Variants in BNIP1 observed in about 807,000 individuals in gnomAD.
BNIP1 encodes vesicle transport protein SEC20.
In BNIP1, 25 loss-of-function variants were observed where a neutral mutation model predicts 28.5. The ratio of observed to expected loss-of-function variants is 0.88; its 90% confidence interval spans 0.64 to 1.23. The LOEUF (loss-of-function observed/expected upper bound fraction) is 1.23. BNIP1 is among the 50% of genes most tolerant of loss of function. BNIP1 has a pLI of 0.00. For synonymous variants in BNIP1, 118 were observed against 101.7 expected, an observed-to-expected ratio of 1.16 and a Z score of -0.96; for missense variants, 276 against 277.0, an observed-to-expected ratio of 1.00 and a Z score of 0.02.
At chr5:173,149,587 G>A (rs1216991023) in intron 2 of BNIP1, among the ~76,000 whole-genome samples, 1 of 152,146 alleles carries the variant, frequency 6.6e-6, no homozygotes, top group African/African-American at 2.4e-5. Context: ...TTGGGGTTTT[G>A]TATTAGGCCT....
rs1346067693 is a variant in BNIP1, at chr5:173,158,830, A to C, written c.356A>C (p.Asp119Ala). ...LEKAELLQGG[D>A]LLRQRKTTKE... ...AAAGCAGAACTTCTTCAGGGAGGAG[A>C]TCTCTTAAGGCAAAGGTACCTATTC... Residue 119 changes from aspartate (D) to alanine (A), a missense_variant, in exon 4 of 6, where the codon GAT becomes GCT. By Grantham distance (126) the Asp-to-Ala change is moderately radical (BLOSUM62 -2). Transcript: ENST00000351486. The C allele has an allele frequency of 6.2e-7, 1 of 1,613,482 alleles. No individual in the cohort carries two copies. The highest frequency in any genetic ancestry group is 2.2e-5 in the East Asian group (1 of 44,858).
rs542351982 is a variant in BNIP1, at chr5:173,163,152, G to A, written c.491-573G>A. ...TGGGGACAGTGATTCCTTAAGGGAC[G>A]TGGGCCTCTTCTTAGGTGTCACCTC... On this transcript the variant is annotated intron_variant, in intron 5 of 5. Coordinates refer to ENST00000351486, the MANE Select transcript of BNIP1 (RefSeq NM_001205.3). Among the ~76,000 whole-genome samples the A allele has an allele frequency of 4.0e-4, 61 of 152,274 alleles. 1 individual carries two copies. The highest frequency in any genetic ancestry group is 1.3e-4 in the Admixed American group (2 of 15,298).
intron 2 of BNIP1, among the ~76,000 whole-genome samples, chr5:173,153,595 C>A (rs1760088469): frequency 6.6e-6 from 1 of 151,964 alleles, no homozygotes; most frequent in South Asian, 2.1e-4. Flanking sequence ...TAAATTGAAC[C>A]CTAGATCAGT....
At chr5:173,159,717 C>G (rs1303699139) in intron 4 of BNIP1, among the ~76,000 whole-genome samples, 1 of 152,170 alleles carries the variant, frequency 6.6e-6, no homozygotes, top group Non-Finnish European at 1.5e-5. Context: ...CTTCAATTGG[C>G]AAATTGCTTT....
rs2113835746 is a variant in BNIP1 at position 173,147,063 on chromosome 5, C to G, written c.177+105C>G. 1.2e-5 allele frequency: 10 copies of G among 858,422 alleles called. No homozygotes were observed. The South Asian group carries it at 1.5e-4, about 13-fold the overall frequency. The allele number at this position is 858,422 out of a possible 1,614,324, so 53.2% of individuals were successfully genotyped here. ...AACACCAGCTGATGGGAGCAGTAAACACTTAGACAGGGAGGGTGACTCTGT... is the reference window on the plus strand; with the variant it reads ...AACACCAGCTGATGGGAGCAGTAAAGACTTAGACAGGGAGGGTGACTCTGT... On this transcript the variant is annotated intron_variant, in intron 2 of 5. Coordinates refer to ENST00000351486, the MANE Select transcript of BNIP1 (RefSeq NM_001205.3).
chr5:173,151,611 T>A (rs565974488), intron 2 of BNIP1: 1 of 1,614,108 alleles, frequency 6.2e-7, no homozygotes, highest in East Asian at 2.2e-5. Context: ...TTCCACATTT[T>A]TTTTTAAGCT....
intron 2 of BNIP1, among the ~76,000 whole-genome samples, chr5:173,153,922 A>C (rs1760103682): frequency 6.6e-6 from 1 of 152,184 alleles, no homozygotes; most frequent in South Asian, 2.1e-4. Flanking sequence ...AGAAATTGTG[A>C]GTATCTGGAA....
intron 3 of BNIP1, among the ~76,000 whole-genome samples, chr5:173,156,938 C>G (rs868692748): frequency 1.3e-5 from 2 of 150,994 alleles, no homozygotes; most frequent in South Asian, 4.2e-4. Context: ...CGTGAGGCAC[C>G]GTGCCCAGCC....
At chr5:173,148,099 T>C (rs1184021091) in intron 2 of BNIP1, among the ~76,000 whole-genome samples, 1 of 27,636 alleles carries the variant, frequency 3.6e-5, no homozygotes, top group Non-Finnish European at 5.6e-5. Flanking sequence ...TATATATATA[T>C]ATATATATAT....
chr5:173,153,417 T>TG (rs1308111218), intron 2 of BNIP1, among the ~76,000 whole-genome samples: 1 of 151,980 alleles, frequency 6.6e-6, no homozygotes, highest in African/African-American at 2.4e-5. Context: ...TCAGTTGAGA[T>TG]GGGGTTTCAC....
Position 173,163,869 on chromosome 5 carries a change from T to C in BNIP1, c.635T>C (p.Phe212Ser). 5 of 1,613,886 alleles carry C rather than the reference T, an allele frequency of 3.1e-6. No homozygotes were observed. Among genetic ancestry groups the C allele is most frequent in the East Asian group, 2.2e-5 (1 of 44,890 alleles). ...KLLIFLALAL[F>S]LATVLYIVKK... The stretch of plus-strand genomic sequence containing the variant: ...CTCATCTTCCTTGCGCTAGCCCTGT[T>C]TCTTGCTACGGTCCTCTATATTGTG... The change falls in exon 6 of 6, where the codon TTT (phenylalanine) becomes TCT (serine). Residue 212 changes from phenylalanine to serine, a missense_variant. Physicochemically the swap from Phe to Ser is radical, Grantham distance 155 (BLOSUM62 -2). Transcript: ENST00000351486.
intron 1 of BNIP1, among the ~76,000 whole-genome samples, chr5:173,146,113 G>A (rs1278720795): frequency 2.0e-5 from 3 of 152,204 alleles, no homozygotes; most frequent in Non-Finnish European, 4.4e-5. Context: ...ACTGATTATA[G>A]CTGGATGTAT....
At chr5:173,150,731 A>C (rs1426413631) in intron 2 of BNIP1, among the ~76,000 whole-genome samples, 1 of 152,176 alleles carries the variant, frequency 6.6e-6, no homozygotes, top group African/African-American at 2.4e-5. Flanking sequence ...GAGTTTCTCT[A>C]CTCAAATATT....
At position 173,163,728 on chromosome 5, in the gene BNIP1, C is replaced by G; in HGVS notation, c.494C>G (p.Thr165Ser). The G allele has an allele frequency of 6.3e-7, 1 of 1,593,168 alleles. No homozygotes were observed. The highest frequency in any genetic ancestry group is 8.6e-7 in the Non-Finnish European group (1 of 1,168,228). ...QSEEAMQSLV[T>S]SSRTILDANE... ...CCTCCTTCCTCTTTTGTTTCAGTCA[C>G]TTCTTCACGAACGATCCTGGATGCA... Residue 165 changes from threonine (T) to serine (S), a missense_variant, in exon 6 of 6, where the codon ACT becomes AGT. Coordinates refer to ENST00000351486, the MANE Select transcript of BNIP1 (RefSeq NM_001205.3).
chr5:173,160,382 G>A (rs1267440685), intron 5 of BNIP1, among the ~76,000 whole-genome samples: 1 of 152,058 alleles, frequency 6.6e-6, no homozygotes, highest in Non-Finnish European at 1.5e-5. Flanking sequence ...TTACCGGCCT[G>A]CACCACCACA....
intron 4 of BNIP1, 36 bp from the exon 5 acceptor site, chr5:173,159,897 G>A: frequency 6.3e-7 from 1 of 1,582,536 alleles, no homozygotes; most frequent in Non-Finnish European, 8.7e-7. Context: ...GGCTTTTGTT[G>A]ACATTCCTCC....
intron 2 of BNIP1, among the ~76,000 whole-genome samples, chr5:173,153,442 T>C (rs199678089): frequency 2.6e-5 from 4 of 152,250 alleles, no homozygotes; most frequent in East Asian, 3.9e-4. Flanking sequence ...TTAGCCAGGA[T>C]GGTCTCGATC....
chr5:173,153,647 G>GA (rs1254560898), intron 2 of BNIP1, among the ~76,000 whole-genome samples: 1 of 151,576 alleles, frequency 6.6e-6, no homozygotes, highest in East Asian at 1.9e-4. Flanking sequence ...TCTCAGGGGA[G>GA]TTTTTTTTTA....
At chr5:173,162,624 A>G (rs984788266) in intron 5 of BNIP1, among the ~76,000 whole-genome samples, 27 of 151,868 alleles carry the variant, frequency 1.8e-4, no homozygotes, top group African/African-American at 6.3e-4. Flanking sequence ...GTGAGACTGC[A>G]TCTCAAAAAA....
Sources: allele counts gnomAD v4.1 joint callset (sites outside exome capture counted in the v4.1 genomes callset), GRCh38; gene constraint gnomAD v4.1.1; transcripts MANE v1.5; gene names NCBI Gene and HGNC (gene_info 2026-07-23, HGNC 2026-07-21).